DMD: variants seen among roughly 807,000 people sequenced by gnomAD.
DMD encodes the protein dystrophin, also known as mutant dystrophin.
DMD carries 63 observed loss-of-function variants against 330.1 expected under a neutral mutation model. That is an observed-to-expected ratio of 0.19 (90% CI 0.16 to 0.24). The LOEUF (loss-of-function observed/expected upper bound fraction) is 0.24, where lower values mean the gene tolerates loss of function less well. Among genes scored for constraint, DMD ranks in the 10% least tolerant of loss-of-function variants. The pLI, the probability that DMD is intolerant of heterozygous loss-of-function variation, is 1.00. For missense variants in DMD, 3,344 were observed against 2,684.1 expected (o/e 1.25, Z -5.43); for synonymous variants, 1,223 against 959.8 (o/e 1.27, Z -5.07).
intron 44 of DMD, among the ~76,000 whole-genome samples, chrX:32,021,417 G>T (rs1361973339): frequency 4.5e-5 from 5 of 111,567 alleles, no homozygotes; most frequent in Non-Finnish European, 9.4e-5. Flanking sequence ...CAAGATAATG[G>T]TTACTTTTGG....
chrX:32,604,480 C>T (rs933220030), intron 12 of DMD, among the ~76,000 whole-genome samples: 2 of 109,368 alleles, frequency 1.8e-5, no homozygotes, highest in African/African-American at 6.6e-5. Context: ...CCCCCCTCCC[C>T]CAAGAACTAC....
chrX:32,769,781 G>C (rs2073399122), intron 7 of DMD, among the ~76,000 whole-genome samples: 1 of 102,438 alleles, frequency 9.8e-6, no homozygotes. Context: ...AGTTTTATTA[G>C]TAAATTGAGT....
intron 17 of DMD, among the ~76,000 whole-genome samples, chrX:32,518,783 T>G (rs745379298): frequency 8.2e-5 from 9 of 110,350 alleles, no homozygotes; most frequent in African/African-American, 2.6e-4. Flanking sequence ...GGCATGCAAA[T>G]AAAGCCCTCT....
At chrX:32,157,017 AGATGACATTCT>A (rs1296001983) in intron 44 of DMD, among the ~76,000 whole-genome samples, 1 of 112,223 alleles carries the variant, frequency 8.9e-6, no homozygotes, top group Non-Finnish European at 1.9e-5. Context: ...CTAATTTGAT[AGATGACATTCT>A]GATGTGGCAG....
chrX:31,903,892 T>G (rs1569506450), intron 47 of DMD, among the ~76,000 whole-genome samples: 1 of 111,651 alleles, frequency 9.0e-6, no homozygotes, highest in Non-Finnish European at 1.9e-5. Context: ...ATCTTTAGAT[T>G]TTACTAGGAA....
At chrX:32,115,980 T>C in intron 44 of DMD, among the ~76,000 whole-genome samples, 1 of 111,841 alleles carries the variant, frequency 8.9e-6, no homozygotes, top group Middle Eastern at 4.7e-3. Flanking sequence ...GCAGATCAGG[T>C]ATCTCCACTC....
At chrX:32,293,684 T>C (rs915980209) in intron 42 of DMD, among the ~76,000 whole-genome samples, 1 of 111,791 alleles carries the variant, frequency 8.9e-6, no homozygotes, top group Non-Finnish European at 1.9e-5. Context: ...AAGTTTCATA[T>C]TGATAAAAAC....
chrX:31,605,673 T>C (rs182446388), intron 55 of DMD, among the ~76,000 whole-genome samples: 2 of 111,333 alleles, frequency 1.8e-5, no homozygotes, highest in Non-Finnish European at 3.8e-5. Context: ...AATGTATCAA[T>C]TGAGATCTTA....
At chrX:31,976,210 T>G (rs891844815) in intron 44 of DMD, among the ~76,000 whole-genome samples, 4 of 110,651 alleles carry the variant, frequency 3.6e-5, no homozygotes, top group South Asian at 3.8e-4. Flanking sequence ...CAAGTGGCAT[T>G]TGGAAAGTAA....
intron 44 of DMD, among the ~76,000 whole-genome samples, chrX:32,055,668 T>C (rs1463498897): frequency 8.9e-6 from 1 of 111,915 alleles, no homozygotes; most frequent in Non-Finnish European, 1.9e-5. Flanking sequence ...AAAAAAATTC[T>C]TCAAAAGTAA....
chrX:33,214,206 G>T (rs2052011550), upstream of DMD, among the ~76,000 whole-genome samples: 1 of 110,321 alleles, frequency 9.1e-6, no homozygotes, highest in African/African-American at 3.3e-5. Flanking sequence ...CCAGGGTTTG[G>T]TCACTACAAA....
intron 59 of DMD, 116 bp from the exon 60 acceptor site, chrX:31,444,743 G>A (rs932643291): frequency 8.5e-6 from 7 of 825,563 alleles, no homozygotes; most frequent in Non-Finnish European, 1.2e-5. Context: ...TCTATGCTAC[G>A]GTTTGAATGT....
rs752143572 is a variant in DMD at position 32,728,725 on chromosome X, CTCT to C, written c.650-29435_650-29433del. ...ATGCATAGAAAATAGTATTTTCTTC[CTCT>C]TCTTCTTCCTGTATTTTTTTGAATC... On this transcript the variant is annotated intron_variant, in intron 7 of 78. Transcript: ENST00000357033. Among the ~76,000 whole-genome samples the C allele has an allele frequency of 3.3e-4, 37 of 111,671 alleles. No homozygotes were observed. The South Asian group carries it at 0.01, about 31-fold the overall frequency.
At chrX:33,240,420 C>A (rs1282008032) in intron 1 of DMD, among the ~76,000 whole-genome samples, 1 of 111,762 alleles carries the variant, frequency 8.9e-6, no homozygotes, top group Non-Finnish European at 1.9e-5. Context: ...GAACAGTATT[C>A]TATTGTGTAC....
At chrX:31,481,465 G>T (rs1386418150) in intron 57 of DMD, among the ~76,000 whole-genome samples, 1 of 112,056 alleles carries the variant, frequency 8.9e-6, no homozygotes, top group East Asian at 2.8e-4. Context: ...ATAGGGAAAT[G>T]TCTAAAAATC....
chrX:32,786,660 C>A (rs1393271807), intron 7 of DMD, among the ~76,000 whole-genome samples: 4 of 111,578 alleles, frequency 3.6e-5, no homozygotes, highest in Non-Finnish European at 7.5e-5. Flanking sequence ...AAAACAAACC[C>A]AATTAGCCCT....
chrX:32,806,272 AAGC>A (rs897654654), intron 7 of DMD, among the ~76,000 whole-genome samples: 4 of 111,755 alleles, frequency 3.6e-5, no homozygotes, highest in African/African-American at 1.3e-4. Context: ...AAAAAAATAA[AAGC>A]AGGGGTTGCA....
At chrX:32,420,163 C>A (rs2148016398) in intron 29 of DMD, among the ~76,000 whole-genome samples, 1 of 112,001 alleles carries the variant, frequency 8.9e-6, no homozygotes, top group Admixed American at 9.5e-5. Context: ...GCGAGGTACT[C>A]TTTGACTGCA....
chrX:31,218,699 C>G (rs2045666789), intron 64 of DMD, among the ~76,000 whole-genome samples: 1 of 111,886 alleles, frequency 8.9e-6, no homozygotes, highest in African/African-American at 3.3e-5. Context: ...GGCCTAGTCT[C>G]TCTTTCCAAA....
Sources: allele counts gnomAD v4.1 joint callset (sites outside exome capture counted in the v4.1 genomes callset), GRCh38; gene constraint gnomAD v4.1.1; transcripts MANE v1.5; gene names NCBI Gene and HGNC (gene_info 2026-07-23, HGNC 2026-07-21).